IL3RA: variants seen among roughly 807,000 people sequenced by gnomAD.
IL3RA encodes the protein interleukin 3 receptor subunit alpha.
IL3RA carries 73 observed loss-of-function variants against 52.3 expected under a neutral mutation model. That is an observed-to-expected ratio of 1.40 (90% CI 1.16 to 1.70). The LOEUF is 1.70. Among genes scored for constraint, IL3RA ranks in the 40% most tolerant of loss-of-function variants. IL3RA has a pLI of 0.00. For synonymous variants in IL3RA, 260 were observed against 194.0 expected, an observed-to-expected ratio of 1.34 and a Z score of -2.83; for missense variants, 664 against 504.4, an observed-to-expected ratio of 1.32 and a Z score of -3.03.
chrX:1,367,710 G>C (rs867804985), intron 9 of IL3RA, among the ~76,000 whole-genome samples: 29 of 114,098 alleles, frequency 2.5e-4, no homozygotes, highest in Non-Finnish European at 4.1e-4. Flanking sequence ...CCGGGTGCGC[G>C]GGGTGAGCGG....
chrX:1,342,881 CCTGA>C (rs2085545811), intron 2 of IL3RA, among the ~76,000 whole-genome samples: 1 of 151,474 alleles, frequency 6.6e-6, no homozygotes, highest in African/African-American at 2.4e-5. Context: ...TCGTGACCAG[CCTGA>C]CTAACACGGT....
At chrX:1,345,073 G>A (rs1408879366) in intron 2 of IL3RA, among the ~76,000 whole-genome samples, 3 of 151,324 alleles carry the variant, frequency 2.0e-5, no homozygotes, top group African/African-American at 4.9e-5. Flanking sequence ...GGAGGCTGAG[G>A]CAGGAGAGTT....
rs1405388247 is a variant in IL3RA at position 1,348,670 on chromosome X, CTTTCTTTCT to C, written c.298+128_298+136del. 1.1e-5 allele frequency: 5 copies of C among 460,284 alleles called. No individual in the cohort carries two copies. In the Admixed American group the frequency reaches 2.3e-4, roughly 21 times the overall value. The allele number at this position is 460,284 out of a possible 1,614,324, so 28.5% of individuals were successfully genotyped here. ...TCTTTCTTTCTTTCTTTCTTTCTTT[CTTTCTTTCT>C]TTCTTTCTTTCTTTTTCTTTCTTTC... is the stretch of plus-strand genomic sequence containing the variant. On this transcript the variant is annotated intron_variant, in intron 4 of 11. Coordinates refer to ENST00000331035, the MANE Select transcript of IL3RA (RefSeq NM_002183.4).
intron 9 of IL3RA, among the ~76,000 whole-genome samples, chrX:1,368,175 C>T (rs374867045): frequency 1.3e-5 from 2 of 152,072 alleles, no homozygotes; most frequent in Non-Finnish European, 2.9e-5. Flanking sequence ...AGGAGAATGG[C>T]GTGAACCCGG....
intron 8 of IL3RA, among the ~76,000 whole-genome samples, chrX:1,360,660 A>G (rs2087190788): frequency 6.7e-6 from 1 of 150,138 alleles, no homozygotes; most frequent in African/African-American, 2.5e-5. Context: ...CTGGGATTAC[A>G]GGCACTCGCC....
At chrX:1,347,577 C>G (rs1181173700) in intron 3 of IL3RA, among the ~76,000 whole-genome samples, 1 of 151,240 alleles carries the variant, frequency 6.6e-6, no homozygotes, top group Non-Finnish European at 1.5e-5. Context: ...TGAGATCGCA[C>G]CACTGAAGTC....
In IL3RA at chrX:1,363,364, A is replaced by G. The variant is rs770567464; in HGVS notation, c.760-1774A>G. Among the ~76,000 whole-genome samples the G allele has an allele frequency of 2.2e-3, 315 of 145,840 alleles. 5 individuals are homozygous for G. Among genetic ancestry groups the G allele is most frequent in the South Asian group, 8.3e-3 (38 of 4,580 alleles). On this transcript the variant is annotated intron_variant, in intron 8 of 11. Transcript: ENST00000331035. ...CACCCAGGCTGGAGTGCAGTGGCGC[A>G]ATCTCGGCTCACTGCAAGCTCCGCC...
intron 9 of IL3RA, among the ~76,000 whole-genome samples, chrX:1,368,400 C>A (rs186823518): frequency 6.6e-6 from 1 of 152,114 alleles, no homozygotes; most frequent in East Asian, 1.9e-4. Flanking sequence ...GCCTGACCAA[C>A]ATGGAAAAAC....
rs552255500 is a variant in IL3RA at position 1,352,045 on chromosome X, G to C, written c.299-55G>C. The C allele has an allele frequency of 2.4e-4, 380 of 1,593,664 alleles. 3 individuals carry two copies. The South Asian group carries it at 4.0e-3, about 17-fold the overall frequency. On this transcript the variant is annotated intron_variant, in intron 4 of 11. Transcript: ENST00000331035. ...CTCCCAAAATGCTGGGGTGACAGGCGTGAGCCACCGCGCCCGGTCCCGATT... is the reference window on the plus strand; with the variant it reads ...CTCCCAAAATGCTGGGGTGACAGGCCTGAGCCACCGCGCCCGGTCCCGATT...
At chrX:1,341,920 T>C in intron 2 of IL3RA, 91 bp downstream of exon 2, 1 of 1,367,816 alleles carries the variant, frequency 7.3e-7, no homozygotes, top group Non-Finnish European at 1.0e-6. Context: ...TCAGGGAAAC[T>C]TTTCATGCTG....
rs1465597446 is a variant in IL3RA at position 1,360,097 on chromosome X, C to G, written c.759+1210C>G. 2.0e-5 allele frequency among the ~76,000 whole-genome samples: 3 copies of G among 147,880 alleles called. No individual in the cohort carries two copies. The Admixed American group carries it at 2.0e-4, about 10-fold the overall frequency. ...TCCCTCCATCTTTCTCTCTCTCTCC[C>G]GGTCTCTATCTCCCCCTCTCCCCGT... On this transcript the variant is annotated intron_variant, in intron 8 of 11. Coordinates refer to ENST00000331035, the MANE Select transcript of IL3RA (RefSeq NM_002183.4).
At chrX:1,347,669 C>T (rs2085812236) in intron 3 of IL3RA, among the ~76,000 whole-genome samples, 1 of 151,508 alleles carries the variant, frequency 6.6e-6, no homozygotes, top group South Asian at 2.1e-4. Flanking sequence ...AAAAACAAAG[C>T]AAAACAAACA....
intron 11 of IL3RA, among the ~76,000 whole-genome samples, 179 bp from the exon 12 acceptor site, chrX:1,382,212 G>C (rs1323191092): frequency 6.7e-6 from 1 of 148,248 alleles, no homozygotes; most frequent in Non-Finnish European, 1.5e-5. Flanking sequence ...GCCTCCCAAA[G>C]TGCTGGGATT....
chrX:1,365,242 C>G lies in IL3RA; in HGVS notation c.864C>G (p.Pro288=), dbSNP rs777077495. The stretch of plus-strand genomic sequence containing the variant: ...AATTCTTGAGCGCCTGGAGCACCCC[C>G]CAGCGCTTCGGTGAGTGGGCTGTGC... ...VYEFLSAWST[P]QRFECDQEEG... is the part of the protein sequence containing the mutation. Residue 288 remains proline, a synonymous_variant, in exon 9 of 12, where the codon CCC becomes CCG. Coordinates refer to ENST00000331035, the MANE Select transcript of IL3RA (RefSeq NM_002183.4). 1.1e-5 allele frequency: 18 copies of G among 1,600,526 alleles called. No homozygotes were observed. The highest frequency in any genetic ancestry group is 1.7e-4 in the Middle Eastern group (1 of 5,984).
At chrX:1,343,440 G>C (rs1368139240) in intron 2 of IL3RA, among the ~76,000 whole-genome samples, 1 of 151,792 alleles carries the variant, frequency 6.6e-6, no homozygotes, top group African/African-American at 2.4e-5. Context: ...TGAGGCGGGT[G>C]GATCACTTGA....
chrX:1,347,365 A>AC (rs2085793692), intron 3 of IL3RA, among the ~76,000 whole-genome samples: 2 of 151,172 alleles, frequency 1.3e-5, no homozygotes, highest in Non-Finnish European at 1.5e-5. Context: ...AATGGCTTGA[A>AC]CCTGGGAGGC....
chrX:1,347,622 C>T (rs1244842774), intron 3 of IL3RA, among the ~76,000 whole-genome samples: 1 of 150,204 alleles, frequency 6.7e-6, no homozygotes, highest in Admixed American at 6.6e-5. Context: ...CCTGTCTTAA[C>T]AAAAAAACAA....
rs758076920 is a variant in IL3RA at position 1,382,376 on chromosome X, C to T, written c.1063-15C>T. On this transcript the variant is annotated splice_polypyrimidine_tract_variant and intron_variant, in intron 11 of 11. Coordinates refer to ENST00000331035, the MANE Select transcript of IL3RA (RefSeq NM_002183.4). ...GGGGGTGGCCGACTCACCCTGCCTC[C>T]TCTCGTCTCTGCAGGTGGTCTGGGA... The T allele has an allele frequency of 6.2e-7, 1 of 1,612,446 alleles. No individual in the cohort carries two copies. The highest frequency in any genetic ancestry group is 1.1e-5 in the South Asian group (1 of 91,046).
intron 3 of IL3RA, 105 bp from the exon 4 acceptor site, chrX:1,348,326 G>A (rs17885427): frequency 8.0e-6 from 7 of 871,128 alleles, no homozygotes; most frequent in Admixed American, 1.7e-5. Flanking sequence ...GCACTCCAGC[G>A]TGGGCGACGA....
Sources: gnomAD v4.1 joint callset for allele counts (sites outside exome capture counted in the v4.1 genomes callset) on GRCh38, gnomAD v4.1.1 for gene constraint, MANE v1.5 for transcripts, NCBI Gene and HGNC (gene_info 2026-07-23, HGNC 2026-07-21) for gene names.